Variants in SLC5A1 observed in about 807,000 individuals in gnomAD.
The protein encoded by SLC5A1 is sodium/glucose cotransporter 1.
A neutral mutation model predicts 73.5 loss-of-function variants in SLC5A1; 42 were observed. The observed-to-expected ratio is 0.57, with a 90% CI of 0.45 to 0.74. The LOEUF is 0.74. Ranked by LOEUF, SLC5A1 falls within the 30% of genes least tolerant of loss-of-function variation. The probability of loss-of-function intolerance (pLI) is 0.00; values close to 1 mark genes in which losing one functional copy is unlikely to be tolerated. For synonymous variants in SLC5A1, 300 were observed against 317.4 expected (o/e 0.95, Z 0.58); for missense variants, 634 against 855.4 (o/e 0.74, Z 3.23).
At chr22:32,081,322 G>A (rs549260204) in intron 5 of SLC5A1, among the ~76,000 whole-genome samples, 1 of 152,274 alleles carries the variant, frequency 6.6e-6, no homozygotes, top group Admixed American at 6.5e-5. Flanking sequence ...GTGATGTTCT[G>A]GTTGTGTCTG....
chr22:32,099,888 G>A (rs2094033459), intron 12 of SLC5A1, among the ~76,000 whole-genome samples: 1 of 152,186 alleles, frequency 6.6e-6, no homozygotes, highest in Admixed American at 6.5e-5. Flanking sequence ...AAGTCCTGGT[G>A]CACAAGCAGT....
At chr22:32,087,313 T>C (rs980889013) in intron 10 of SLC5A1, among the ~76,000 whole-genome samples, 3 of 152,230 alleles carry the variant, frequency 2.0e-5, no homozygotes, top group Non-Finnish European at 4.4e-5. Context: ...TCAATTGAGC[T>C]AATGTATAGA....
At chr22:32,092,858 G>T (rs942727907) in intron 11 of SLC5A1, among the ~76,000 whole-genome samples, 1 of 152,218 alleles carries the variant, frequency 6.6e-6, no homozygotes, top group South Asian at 2.1e-4. Flanking sequence ...TTGGGTTCTT[G>T]GTCGTGAACT....
At chr22:32,082,912 A>G (rs1320162531) in intron 6 of SLC5A1, 162 bp from the exon 7 acceptor site, 2 of 689,802 alleles carry the variant, frequency 2.9e-6, no homozygotes, top group East Asian at 5.4e-5. Flanking sequence ...ATAGCAAAAT[A>G]CTGTAACAGG....
rs2093998670 is a variant in SLC5A1, at chr22:32,080,863, G to A, written c.478-1003G>A. On this transcript the variant is annotated intron_variant, in intron 5 of 14. Coordinates refer to ENST00000266088, the MANE Select transcript of SLC5A1 (RefSeq NM_000343.4). Reference sequence around the variant, plus strand: ...ACAAAAATTAGCTGGGTGTGGTGGTGCACACATGTAATCCCAGCTACTCAG... The same window carrying A: ...ACAAAAATTAGCTGGGTGTGGTGGTACACACATGTAATCCCAGCTACTCAG... 1.3e-5 allele frequency among the ~76,000 whole-genome samples: 2 copies of A among 152,092 alleles called. 1 individual carries two copies. Among genetic ancestry groups the A allele is most frequent in the South Asian group, 4.1e-4 (2 of 4,824 alleles).
chr22:32,052,212 A>G (rs1031665843), intron 2 of SLC5A1, among the ~76,000 whole-genome samples: 2 of 152,218 alleles, frequency 1.3e-5, no homozygotes, highest in Admixed American at 6.5e-5. Context: ...TTATGAGGCC[A>G]ATTGGTGTGG....
intron 14 of SLC5A1, among the ~76,000 whole-genome samples, chr22:32,109,432 T>G (rs1197275614): frequency 6.6e-6 from 1 of 152,186 alleles, no homozygotes; most frequent in African/African-American, 2.4e-5. Context: ...TATGTGACAT[T>G]AGATCCTAAG....
At chr22:32,057,929 G>A (rs1324608776) in intron 2 of SLC5A1, among the ~76,000 whole-genome samples, 21 of 152,172 alleles carry the variant, frequency 1.4e-4, no homozygotes, top group Non-Finnish European at 2.8e-4. Flanking sequence ...GTGAATCTGA[G>A]ACAGCTCTGG....
At chr22:32,068,399 T>C in intron 4 of SLC5A1, 97 bp from the exon 5 acceptor site, 1 of 865,090 alleles carries the variant, frequency 1.2e-6, no homozygotes, top group South Asian at 1.3e-5. Context: ...TTGACCACAC[T>C]TCTGTGGCTC....
chr22:32,087,431 C>T (rs1041541222), intron 10 of SLC5A1, among the ~76,000 whole-genome samples: 1 of 152,150 alleles, frequency 6.6e-6, no homozygotes, highest in African/African-American at 2.4e-5. Flanking sequence ...AAGGCTTGAA[C>T]TAGGTCCAAG....
At chr22:32,074,637 T>C (rs2149489857) in intron 5 of SLC5A1, among the ~76,000 whole-genome samples, 1 of 152,150 alleles carries the variant, frequency 6.6e-6, no homozygotes, top group Non-Finnish European at 1.5e-5. Flanking sequence ...CCCAGGCTTT[T>C]ATCTTATAAT....
rs1257694785 is a variant in SLC5A1 at position 32,110,337 on chromosome 22, A to G, written c.*124A>G. 6.7e-6 allele frequency: 5 copies of G among 742,142 alleles called. No individual in the cohort carries two copies. Among genetic ancestry groups the G allele is most frequent in the Non-Finnish European group, 1.2e-5 (5 of 410,684 alleles). The allele number at this position is 742,142 out of a possible 1,614,324, so 46.0% of individuals were successfully genotyped here. On this transcript the variant is annotated 3_prime_UTR_variant, in exon 15 of 15. Coordinates refer to ENST00000266088, the MANE Select transcript of SLC5A1 (RefSeq NM_000343.4). ...TTTGCCCAGGTGGATAAATGTGTAC[A>G]TGTGTAATTATAGGCTAGCTGGAAG...
chr22:32,068,093 G>C, intron 4 of SLC5A1, 67 bp downstream of exon 4: 1 of 1,458,580 alleles, frequency 6.9e-7, no homozygotes, highest in Non-Finnish European at 9.6e-7. Flanking sequence ...TCTTCCTAGA[G>C]GGCAGAGGAG....
rs888909415 is a variant in SLC5A1 at position 32,084,539 on chromosome 22, C to G, written c.765C>G (p.Cys255Trp). ...SDGNTTFQEK[C>W]YTPRADSFHI... is the part of the protein sequence containing the mutation. ...GCAACACCACCTTTCAGGAAAAATG[C>G]TACACTCCAAGGGCCGACTCCTTCC... The change falls in exon 8 of 15, where the codon TGC becomes TGG. Residue 255 changes from cysteine (C) to tryptophan (W), a missense_variant. Physicochemically the swap from Cys to Trp is radical, Grantham distance 215 (BLOSUM62 -2). Around this residue, in one of 3 missense-constraint regions of SLC5A1, gnomAD observed 422 missense variants for 626.1 expected, o/e 0.67. Coordinates refer to ENST00000266088, the MANE Select transcript of SLC5A1 (RefSeq NM_000343.4). 6.2e-7 allele frequency: 1 copy of G among 1,614,220 alleles called. No individual in the cohort carries two copies. The highest frequency in any genetic ancestry group is 1.6e-4 in the Middle Eastern group (1 of 6,062).
Position 32,083,090 on chromosome 22 carries a change from G to A in SLC5A1, c.600G>A (p.Val200=). The A allele has an allele frequency of 6.2e-7, 1 of 1,614,186 alleles. No individual in the cohort carries two copies. Among genetic ancestry groups the A allele is most frequent in the Non-Finnish European group, 8.5e-7 (1 of 1,180,008 alleles). ...LYTITGGLAA[V]IYTDTLQTVI... ...CCTGCTTAGGGGGCCTGGCGGCGGT[G>A]ATTTACACGGACACCTTGCAGACGG... Residue 200 remains valine (V), a synonymous_variant, in exon 7 of 15, where the codon GTG becomes GTA. Coordinates refer to ENST00000266088, the MANE Select transcript of SLC5A1 (RefSeq NM_000343.4).
chr22:32,081,638 A>C (rs760759625), intron 5 of SLC5A1, among the ~76,000 whole-genome samples: 4 of 152,230 alleles, frequency 2.6e-5, no homozygotes, highest in Non-Finnish European at 5.9e-5. Context: ...CCTGGGGATG[A>C]CTGTACATGG....
intron 10 of SLC5A1, among the ~76,000 whole-genome samples, chr22:32,088,680 A>G (rs1033864676): frequency 1.3e-5 from 2 of 152,128 alleles, no homozygotes; most frequent in East Asian, 3.8e-4. Flanking sequence ...GACTAAATAG[A>G]TATTTTCCAT....
chr22:32,068,519 G>C lies in SLC5A1; in HGVS notation c.396G>C (p.Leu132=). 6.2e-7 allele frequency: 1 copy of C among 1,613,954 alleles called. No individual in the cohort carries two copies. Among genetic ancestry groups the C allele is most frequent in the Non-Finnish European group, 8.5e-7 (1 of 1,179,886 alleles). ...AGGTGGTGACAATGCCAGAGTACCT[G>C]AGGAAGCGGTTTGGAGGCCAGCGGA... ...KAGVVTMPEY[L]RKRFGGQRIQ... Residue 132 remains leucine, a synonymous_variant, in exon 5 of 15, where the codon CTG becomes CTC. Transcript: ENST00000266088.
Position 32,101,878 on chromosome 22 carries a change from C to T in SLC5A1, c.1450-144C>T, listed in dbSNP as rs2094037010. 5.7e-6 allele frequency: 4 copies of T among 702,178 alleles called. No homozygotes were observed. The Admixed American group carries it at 8.2e-5, about 14-fold the overall frequency. 43.5% of individuals were successfully genotyped at this position (702,178 alleles called of 1,614,324 possible). On this transcript the variant is annotated intron_variant, in intron 12 of 14. Transcript: ENST00000266088. ...GCACTCCTAGCCATATTCTGAACTT[C>T]AGTGTTCTGGGTTCAGACAGCCTGG...
Sources: gnomAD v4.1 joint callset for allele counts (sites outside exome capture counted in the v4.1 genomes callset) on GRCh38, gnomAD v4.1.1 for gene constraint, gnomAD v4.1.1 regional missense constraint, MANE v1.5 for transcripts, NCBI Gene and HGNC (gene_info 2026-07-23, HGNC 2026-07-21) for gene names.